The following EIF3D variants were observed in gnomAD, a reference collection of about 807,000 sequenced individuals.
EIF3D encodes the protein eIF3 p66.
Under a neutral mutation model 75.4 loss-of-function variants are expected in EIF3D, and 10 were observed. The ratio of observed to expected loss-of-function variants is 0.13; its 90% CI spans 0.08 to 0.22. EIF3D has a LOEUF of 0.22. Among genes scored for constraint, EIF3D ranks in the 10% least tolerant of loss-of-function variants. EIF3D has a pLI of 1.00. For missense variants in EIF3D, 394 were observed against 708.0 expected, an observed-to-expected ratio of 0.56 and a Z score of 5.03; for synonymous variants, 246 against 248.3, an observed-to-expected ratio of 0.99 and a Z score of 0.09.
At chr22:36,525,948 G>C in intron 2 of EIF3D, 51 bp downstream of exon 2, 1 of 1,562,088 alleles carries the variant, frequency 6.4e-7, no homozygotes, top group South Asian at 1.2e-5. Context: ...AGGGACTCGA[G>C]AGTAGCAGCC....
intron 9 of EIF3D, 70 bp from the exon 10 acceptor site, chr22:36,517,501 G>T: frequency 1.3e-6 from 2 of 1,485,292 alleles, no homozygotes; most frequent in Non-Finnish European, 1.8e-6. Flanking sequence ...GCGCTGTGGG[G>T]AGATGTGGAG....
chr22:36,511,977 G>A (rs58982221), intron 13 of EIF3D, among the ~76,000 whole-genome samples, 191 bp from the exon 14 acceptor site: 3,537 of 149,580 alleles, frequency 0.024, 137 homozygotes, highest in African/African-American at 0.084. Flanking sequence ...TGCAAGCTCC[G>A]CCTCCCGGGT....
rs1934587062 is a variant in EIF3D, at chr22:36,525,653, G to GA, written c.169+10dup. ...GCCCTGATTGGGGCATTCAGTTGCA[G>GA]AAACACTTACTTGTGTACCTCTTAT... On this transcript the variant is annotated intron_variant, in intron 3 of 14. Coordinates refer to ENST00000216190, the MANE Select transcript of EIF3D (RefSeq NM_003753.4). 1.2e-6 allele frequency: 2 copies of GA among 1,612,244 alleles called. No individual in the cohort carries two copies. The highest frequency in any genetic ancestry group is 1.7e-6 in the Non-Finnish European group (2 of 1,179,612).
In EIF3D at chr22:36,512,498, G is replaced by A. The variant is rs562976753; in HGVS notation, c.1311C>T (p.Cys437=). The part of the protein sequence containing the change: ...NNSYKLARWT[C]CALLAGSEYL... ...ACTCAGATCCAGCCAGCAAAGCACA[G>A]CAGGTCCACCGGGCCAACTTGTAGC... The change falls in exon 13 of 15, where the codon TGC becomes TGT. Residue 437 remains cysteine (C), a synonymous_variant. Coordinates refer to ENST00000216190, the MANE Select transcript of EIF3D (RefSeq NM_003753.4). 7 of 1,614,238 alleles carry A rather than the reference G, an allele frequency of 4.3e-6. No homozygotes were observed. The highest frequency in any genetic ancestry group is 4.0e-5 in the African/African-American group (3 of 75,066).
intron 5 of EIF3D, among the ~76,000 whole-genome samples, chr22:36,523,549 G>A (rs1475730089): frequency 3.3e-5 from 5 of 152,244 alleles, no homozygotes; most frequent in South Asian, 2.1e-4. Flanking sequence ...TGTAGTGGCC[G>A]CTGGACCACA....
Position 36,511,498 on chromosome 22 carries a change from C to T in EIF3D, c.1633+5G>A. 2 of 1,613,820 alleles carry T rather than the reference C, an allele frequency of 1.2e-6. No individual in the cohort carries two copies. Among genetic ancestry groups the T allele is most frequent in the Non-Finnish European group, 8.5e-7 (1 of 1,179,990 alleles). The stretch of plus-strand genomic sequence containing the variant: ...CTAGACCTCAGAAAGTGGGCTGCTA[C>T]ACACCTTCTTCTTCCTCTTCTTCCT... On this transcript the variant is annotated splice_donor_5th_base_variant and intron_variant, in intron 14 of 14. Transcript: ENST00000216190.
Position 36,510,952 on chromosome 22 carries a change from G to T in EIF3D, c.*35C>A. 1 of 1,594,934 alleles carries T rather than the reference G, an allele frequency of 6.3e-7. No homozygotes were observed. Among genetic ancestry groups the T allele is most frequent in the Non-Finnish European group, 8.5e-7 (1 of 1,173,328 alleles). On this transcript the variant is annotated 3_prime_UTR_variant, in exon 15 of 15. Transcript: ENST00000216190. ...AAGCATCAAAGGCCCTCGTAGTCTC[G>T]GTGGAAGGACAAACTCCAGCTCCAC...
chr22:36,512,725 A>T (rs1425285514), intron 12 of EIF3D, 123 bp from the exon 13 acceptor site: 25 of 1,107,970 alleles, frequency 2.3e-5, no homozygotes, highest in East Asian at 2.6e-5. Flanking sequence ...GTACGCACTA[A>T]ATCTTACCAT....
At chr22:36,511,314 C>G in intron 14 of EIF3D, 189 bp downstream of exon 14, 1 of 1,209,890 alleles carries the variant, frequency 8.3e-7, no homozygotes. Context: ...CCGCTATCCT[C>G]CCCAACCACT....
At chr22:36,517,537 C>T (rs1934447410) in intron 9 of EIF3D, 106 bp from the exon 10 acceptor site, 1 of 1,338,066 alleles carries the variant, frequency 7.5e-7, no homozygotes, top group East Asian at 2.7e-5. Context: ...GTCCTTCCTT[C>T]AAAGAACTGC....
chr22:36,511,666 A>G lies in EIF3D; in HGVS notation c.1470T>C (p.Ile490=), dbSNP rs1934339481. The G allele has an allele frequency of 6.2e-7, 1 of 1,614,024 alleles. No homozygotes were observed. The highest frequency in any genetic ancestry group is 8.5e-7 in the Non-Finnish European group (1 of 1,180,010). Residue 490 remains isoleucine (I), a synonymous_variant, in exon 14 of 15, where the codon ATT becomes ATC. Transcript: ENST00000216190. ...TGCAGATGTCAATGACGCAGCGTAA[A>G]ATGCCCCAGGCATTCTCCACGCTCA... ...INLSVENAWG[I]LRCVIDICMK...
At chr22:36,521,861 C>T (rs1464804907) in intron 6 of EIF3D, among the ~76,000 whole-genome samples, 1 of 151,692 alleles carries the variant, frequency 6.6e-6, no homozygotes, top group Non-Finnish European at 1.5e-5. Flanking sequence ...CACTTTAACC[C>T]GGGAGGCGGA....
intron 9 of EIF3D, 150 bp downstream of exon 9, chr22:36,518,613 T>A (rs1934464586): frequency 2.6e-5 from 26 of 993,120 alleles, no homozygotes; most frequent in Non-Finnish European, 3.3e-5. Context: ...TCTCCTAACC[T>A]CTAAAGAGTG....
intron 13 of EIF3D, 132 bp downstream of exon 13, chr22:36,512,328 C>G: frequency 7.7e-7 from 1 of 1,299,394 alleles, no homozygotes; most frequent in Non-Finnish European, 1.1e-6. Context: ...ACTGACCCCT[C>G]CATCTCTACC....
In EIF3D at chr22:36,511,289, C is replaced by T. The variant is rs147025547; in HGVS notation, c.1633+214G>A. The T allele has an allele frequency of 1.1e-5, 11 of 997,598 alleles. No individual in the cohort carries two copies. In the African/African-American group the frequency reaches 1.1e-4, roughly 10 times the overall value. The allele number at this position is 997,598 out of a possible 1,614,324, so 61.8% of individuals were successfully genotyped here. ...TCCTCTACCTCTGCCACAGTCCAGCCGCTTCTCTAAAACACCGCTATCCTC... is the reference window on the plus strand; with the variant it reads ...TCCTCTACCTCTGCCACAGTCCAGCTGCTTCTCTAAAACACCGCTATCCTC... On this transcript the variant is annotated intron_variant, in intron 14 of 14. Transcript: ENST00000216190.
intron 1 of EIF3D, chr22:36,526,933 A>G (rs1603499122): frequency 6.6e-6 from 1 of 152,250 alleles, no homozygotes; most frequent in Non-Finnish European, 1.5e-5. Context: ...TCCTTGTTCT[A>G]AGCACTTTGT....
Position 36,511,630 on chromosome 22 carries a change from C to T in EIF3D, c.1506G>A (p.Glu502=), listed in dbSNP as rs764690410. ...RCVIDICMKL[E]EGKYLILKDP... ...CCTTGAGGATGAGGTATTTGCCCTC[C>T]TCCAGCTTCATGCAGATGTCAATGA... Residue 502 remains glutamate (E), a synonymous_variant, in exon 14 of 15, where the codon GAG becomes GAA. Transcript: ENST00000216190. 2 of 1,614,176 alleles carry T rather than the reference C, an allele frequency of 1.2e-6. No homozygotes were observed. The highest frequency in any genetic ancestry group is 2.2e-5 in the East Asian group (1 of 44,878).
intron 6 of EIF3D, 38 bp downstream of exon 6, chr22:36,523,171 C>T: frequency 6.4e-7 from 1 of 1,558,228 alleles, no homozygotes; most frequent in Non-Finnish European, 8.9e-7. Context: ...ATAAACAGAA[C>T]CAAATTCCAA....
chr22:36,518,663 A>G (rs1934465452), intron 9 of EIF3D, 100 bp downstream of exon 9: 2 of 1,472,382 alleles, frequency 1.4e-6, no homozygotes, highest in South Asian at 2.5e-5. Context: ...TCCCTTGGGA[A>G]GACAGACCAC....
Sources: allele counts gnomAD v4.1 joint callset (sites outside exome capture counted in the v4.1 genomes callset), GRCh38; gene constraint gnomAD v4.1.1; transcripts MANE v1.5; gene names NCBI Gene and HGNC (gene_info 2026-07-23, HGNC 2026-07-21).